The following CACNA1B variants were observed in gnomAD, a reference collection of about 807,000 sequenced individuals.
CACNA1B encodes voltage-dependent N-type calcium channel subunit alpha-1B.
CACNA1B carries 70 observed loss-of-function variants against 247.2 expected under a neutral mutation model. The observed-to-expected ratio is 0.28, with a 90% CI of 0.23 to 0.35. CACNA1B has a LOEUF of 0.35. Ranked by LOEUF, CACNA1B falls within the 10% of genes least tolerant of loss-of-function variation. The pLI, the probability that CACNA1B is intolerant of heterozygous loss-of-function variation, is 1.00. For synonymous variants in CACNA1B, 1,231 were observed against 1,294.4 expected, an observed-to-expected ratio of 0.95 and a Z score of 1.05; for missense variants, 2,367 against 3,197.4, an observed-to-expected ratio of 0.74 and a Z score of 6.26.
Position 138,121,335 on chromosome 9 carries a change from A to G in CACNA1B, c.6490-134A>G. 1.5e-6 allele frequency: 1 copy of G among 650,512 alleles called. No individual in the cohort carries two copies. The highest frequency in any genetic ancestry group is 2.5e-6 in the Non-Finnish European group (1 of 396,784). The allele number at this position is 650,512 out of a possible 1,614,324, so 40.3% of individuals were successfully genotyped here. A position where few individuals can be genotyped will look rare whatever the true frequency, so the allele number is the denominator to read the frequency against. On this transcript the variant is annotated intron_variant, in intron 46 of 46. Coordinates refer to ENST00000371372, the MANE Select transcript of CACNA1B (RefSeq NM_000718.4). The surrounding 1 kb of genome is among the most constrained non-coding windows in gnomAD (Gnocchi z 6.8). ...TGCCTGTTGCCTCCCTGGTCACCGCAGCCCGTTGTCCCCCATTGCCTCCCT... is the reference window on the plus strand; with the variant it reads ...TGCCTGTTGCCTCCCTGGTCACCGCGGCCCGTTGTCCCCCATTGCCTCCCT...
intron 21 of CACNA1B, among the ~76,000 whole-genome samples, chr9:138,044,500 G>T (rs1959168199): frequency 6.6e-6 from 1 of 152,274 alleles, no homozygotes; most frequent in Non-Finnish European, 1.5e-5. Context: ...ATAAGATGCA[G>T]ATAGTGTTAA....
At chr9:138,086,769 A>T (rs1960706841) in intron 36 of CACNA1B, among the ~76,000 whole-genome samples, 1 of 151,156 alleles carries the variant, frequency 6.6e-6, no homozygotes, top group Non-Finnish European at 1.5e-5. Context: ...GAAAATCAAC[A>T]ACAAAAAACC....
intron 20 of CACNA1B, among the ~76,000 whole-genome samples, chr9:138,030,013 G>C (rs7019274): frequency 6.6e-6 from 1 of 152,038 alleles, no homozygotes; most frequent in Non-Finnish European, 1.5e-5. Flanking sequence ...AGAGTATAAG[G>C]CATCTGCAAA....
chr9:137,908,086 G>T (rs1232171218), intron 3 of CACNA1B, among the ~76,000 whole-genome samples: 1 of 152,206 alleles, frequency 6.6e-6, no homozygotes, highest in Non-Finnish European at 1.5e-5. Flanking sequence ...AAGTCTTGGG[G>T]AGTGAAGCAA....
chr9:137,913,969 T>C lies in CACNA1B; in HGVS notation c.623-685T>C, dbSNP rs1957384601. Among the ~76,000 whole-genome samples, 1 of 152,214 alleles carries C rather than the reference T, an allele frequency of 6.6e-6. No individual in the cohort carries two copies. Among genetic ancestry groups the C allele is most frequent in the Non-Finnish European group, 1.5e-5 (1 of 68,026 alleles). On this transcript the variant is annotated intron_variant, in intron 4 of 46. Transcript: ENST00000371372. This position sits in a 1 kb window ranked among gnomAD's most constrained non-coding sequence, Gnocchi z 5.2. ...CCATATCCAAGTGCTGGGGCCAGAC[T>C]CGAAGGGGAGGGGTCAAGGTTTACA...
At chr9:137,879,212 C>CT in intron 2 of CACNA1B, 53 bp downstream of exon 2, 1 of 1,171,884 alleles carries the variant, frequency 8.5e-7, no homozygotes, top group East Asian at 2.4e-5. Context: ...CGCGACTCCA[C>CT]TTTCCTTTAT....
chr9:137,896,799 C>T (rs991692659), intron 3 of CACNA1B, among the ~76,000 whole-genome samples: 5 of 137,630 alleles, frequency 3.6e-5, no homozygotes, highest in Middle Eastern at 3.4e-3. Context: ...ACTTTCCTTA[C>T]GAGTTATGTG....
intron 12 of CACNA1B, among the ~76,000 whole-genome samples, chr9:137,983,416 T>C (rs1011297773): frequency 1.3e-5 from 2 of 152,124 alleles, no homozygotes; most frequent in Admixed American, 6.5e-5. Flanking sequence ...CACTGGTCTG[T>C]CCTTTCTGAG....
chr9:137,960,864 T>C (rs1179709031), intron 10 of CACNA1B, among the ~76,000 whole-genome samples: 3 of 152,102 alleles, frequency 2.0e-5, no homozygotes, highest in Non-Finnish European at 4.4e-5. Flanking sequence ...CTCTCCATCA[T>C]GTTTGTTTTG....
intron 10 of CACNA1B, among the ~76,000 whole-genome samples, chr9:137,962,503 C>A (rs902131273): frequency 4.6e-5 from 7 of 151,964 alleles, no homozygotes; most frequent in African/African-American, 1.7e-4. Context: ...TGAGATCTTT[C>A]TTTTTGGTAT....
At chr9:137,923,838 G>A (rs891779099) in intron 6 of CACNA1B, among the ~76,000 whole-genome samples, 2 of 152,206 alleles carry the variant, frequency 1.3e-5, no homozygotes, top group African/African-American at 4.8e-5. Flanking sequence ...TAGCCATTCT[G>A]ATAGGGGTAT....
intron 3 of CACNA1B, among the ~76,000 whole-genome samples, chr9:137,905,411 C>T (rs1957287923): frequency 6.6e-6 from 1 of 151,206 alleles, no homozygotes; most frequent in African/African-American, 2.4e-5. Flanking sequence ...GTAAATTTAG[C>T]AATTTTTAAC....
At chr9:137,982,987 T>C (rs1047825223) in intron 12 of CACNA1B, among the ~76,000 whole-genome samples, 1 of 152,192 alleles carries the variant, frequency 6.6e-6, no homozygotes, top group Non-Finnish European at 1.5e-5. Flanking sequence ...TTCCCAGACA[T>C]GCTGGTTAAC....
chr9:138,022,090 G>A (rs940407081), intron 18 of CACNA1B, among the ~76,000 whole-genome samples: 1 of 152,202 alleles, frequency 6.6e-6, no homozygotes, highest in Non-Finnish European at 1.5e-5. Flanking sequence ...GAGGTGCTTG[G>A]GCCCATGACA....
intron 15 of CACNA1B, among the ~76,000 whole-genome samples, chr9:137,989,803 AT>A (rs1170366670): frequency 2.0e-5 from 3 of 152,224 alleles, no homozygotes; most frequent in Non-Finnish European, 4.4e-5. Flanking sequence ...AAGCTTATAC[AT>A]TTAGTAAAGT....
chr9:137,933,667 G>A (rs1957632592), intron 6 of CACNA1B, among the ~76,000 whole-genome samples: 1 of 152,240 alleles, frequency 6.6e-6, no homozygotes, highest in South Asian at 2.1e-4. Context: ...GCTGGGATCA[G>A]GATGGCAGTA....
intron 10 of CACNA1B, among the ~76,000 whole-genome samples, chr9:137,965,726 C>T (rs1958068108): frequency 1.3e-5 from 2 of 152,104 alleles, no homozygotes; most frequent in Non-Finnish European, 2.9e-5. Flanking sequence ...AGAGGGATTA[C>T]AGGCACCCAC....
chr9:138,034,437 A>G (rs7855572), intron 20 of CACNA1B, among the ~76,000 whole-genome samples: 55,494 of 150,044 alleles, frequency 0.37, 14,426 homozygotes, highest in African/African-American at 0.73. Context: ...TATAAGTGGA[A>G]GTAGGGTCAT....
chr9:138,120,519 A>G, intron 45 of CACNA1B, 112 bp from the exon 46 acceptor site: 1 of 1,382,152 alleles, frequency 7.2e-7, no homozygotes, highest in Non-Finnish European at 9.6e-7. Flanking sequence ...CCAGGCCCTA[A>G]CCCTCACCCT....
Sources: allele counts gnomAD v4.1 joint callset (sites outside exome capture counted in the v4.1 genomes callset), GRCh38; gene constraint gnomAD v4.1.1; non-coding constraint Gnocchi (gnomAD v3.1); transcripts MANE v1.5; gene names NCBI Gene and HGNC (gene_info 2026-07-23, HGNC 2026-07-21).